The following NKAIN2 variants were observed in gnomAD, a reference collection of about 807,000 sequenced individuals.
NKAIN2 encodes sodium/potassium transporting ATPase interacting 2, also known as sodium/potassium-transporting ATPase subunit beta-1-interacting protein 2.
A neutral mutation model predicts 32.6 loss-of-function variants in NKAIN2; 14 were observed. That is an observed-to-expected ratio of 0.43 (90% CI 0.28 to 0.67). The LOEUF is 0.67. NKAIN2 is among the 30% of genes least tolerant of loss of function. The pLI is 0.17. For missense variants in NKAIN2, 198 were observed against 258.3 expected, an observed-to-expected ratio of 0.77 and a Z score of 1.60; for synonymous variants, 80 against 87.2, an observed-to-expected ratio of 0.92 and a Z score of 0.46.
chr6:124,016,923 C>A (rs1354271043), intron 1 of NKAIN2, among the ~76,000 whole-genome samples: 2 of 152,142 alleles, frequency 1.3e-5, no homozygotes, highest in Non-Finnish European at 2.9e-5. Context: ...GATGACAACC[C>A]CAGGATGTCA....
At chr6:124,027,313 G>A (rs990837750) in intron 1 of NKAIN2, among the ~76,000 whole-genome samples, 12 of 151,724 alleles carry the variant, frequency 7.9e-5, no homozygotes, top group African/African-American at 2.9e-4. Flanking sequence ...CTAATTTTTG[G>A]TATTTTTAGT....
chr6:123,860,311 A>C (rs1182236874), intron 1 of NKAIN2, among the ~76,000 whole-genome samples: 1 of 152,208 alleles, frequency 6.6e-6, no homozygotes, highest in Non-Finnish European at 1.5e-5. Context: ...ATTATTTAAA[A>C]AGTATATTAT....
At chr6:124,691,681 T>C (rs1774261100) in intron 4 of NKAIN2, among the ~76,000 whole-genome samples, 1 of 152,176 alleles carries the variant, frequency 6.6e-6, no homozygotes, top group Admixed American at 6.5e-5. Flanking sequence ...CAAATAAGAA[T>C]GGAAAAAGTC....
chr6:124,459,541 T>G (rs1776449602), intron 3 of NKAIN2, among the ~76,000 whole-genome samples: 1 of 151,898 alleles, frequency 6.6e-6, no homozygotes, highest in Non-Finnish European at 1.5e-5. Flanking sequence ...GACACCTAAG[T>G]GATGATATTG....
At chr6:124,374,387 C>A (rs1238075552) in intron 3 of NKAIN2, among the ~76,000 whole-genome samples, 1 of 151,888 alleles carries the variant, frequency 6.6e-6, no homozygotes, top group East Asian at 1.9e-4. Context: ...ATAATGATGA[C>A]CCCGATGTGC....
intron 4 of NKAIN2, among the ~76,000 whole-genome samples, chr6:124,665,746 T>A (rs1772765368): frequency 6.6e-6 from 1 of 152,214 alleles, no homozygotes; most frequent in African/African-American, 2.4e-5. Flanking sequence ...AATACCAGAA[T>A]GGCATCACAG....
At chr6:124,760,291 A>T (rs1168249116) in intron 4 of NKAIN2, among the ~76,000 whole-genome samples, 1 of 151,608 alleles carries the variant, frequency 6.6e-6, no homozygotes, top group Non-Finnish European at 1.5e-5. Flanking sequence ...AGAAAAAAGT[A>T]ACTGTTGAAT....
intron 3 of NKAIN2, among the ~76,000 whole-genome samples, chr6:124,557,515 A>G (rs1432023949): frequency 6.6e-6 from 1 of 152,206 alleles, no homozygotes; most frequent in African/African-American, 2.4e-5. Context: ...AAGTCCCTAA[A>G]CTACTGTAAC....
chr6:124,739,208 C>T (rs926627840), intron 4 of NKAIN2, among the ~76,000 whole-genome samples: 2 of 151,926 alleles, frequency 1.3e-5, no homozygotes, highest in African/African-American at 2.4e-5. Flanking sequence ...AACCAGGATT[C>T]TTTTATAGGA....
In NKAIN2 at chr6:124,658,368, C is replaced by A; in HGVS notation, c.456C>A (p.Ser152=). 1 of 1,614,106 alleles carries A rather than the reference C, an allele frequency of 6.2e-7. No individual in the cohort carries two copies. The change falls in exon 4 of 7, where the codon TCC becomes TCA. Residue 152 remains serine (S), a synonymous_variant. Transcript: ENST00000368417. ...AGTACATAGAAGTGGCTCATAGTTC[C>A]CTCCAGATTGTCCTCGCAGTAAGTG... ...EYQYIEVAHS[S]LQIVLALAGF...
intron 4 of NKAIN2, among the ~76,000 whole-genome samples, chr6:124,675,384 A>G (rs983080298): frequency 6.6e-6 from 1 of 152,092 alleles, no homozygotes; most frequent in African/African-American, 2.4e-5. Flanking sequence ...TGGTTCTGAT[A>G]TCAGGACAAT....
At chr6:123,838,467 A>G (rs534945441) in intron 1 of NKAIN2, among the ~76,000 whole-genome samples, 6 of 152,292 alleles carry the variant, frequency 3.9e-5, no homozygotes, top group Middle Eastern at 3.4e-3. Context: ...TATAATATTT[A>G]TTCTGCTACT....
intron 1 of NKAIN2, among the ~76,000 whole-genome samples, chr6:123,851,664 A>G (rs754172768): frequency 2.6e-5 from 4 of 152,118 alleles, no homozygotes; most frequent in African/African-American, 9.7e-5. Flanking sequence ...AAGACTTGTT[A>G]GTTTCATCTT....
intron 4 of NKAIN2, among the ~76,000 whole-genome samples, chr6:124,746,495 G>A (rs781173286): frequency 2.0e-4 from 31 of 151,726 alleles, no homozygotes; most frequent in Non-Finnish European, 3.2e-4. Flanking sequence ...AATAGCAGGA[G>A]AAGTTTTTAA....
intron 3 of NKAIN2, among the ~76,000 whole-genome samples, chr6:124,532,949 G>A (rs1211534178): frequency 1.3e-5 from 2 of 152,138 alleles, no homozygotes; most frequent in African/African-American, 4.8e-5. Flanking sequence ...TACTCTTCAG[G>A]AAAAAGATAG....
At chr6:124,701,264 C>G (rs539826925) in intron 4 of NKAIN2, among the ~76,000 whole-genome samples, 2 of 151,850 alleles carry the variant, frequency 1.3e-5, no homozygotes, top group African/African-American at 4.8e-5. Flanking sequence ...TTGATTATTT[C>G]TGTTGTAATA....
chr6:123,892,831 T>G (rs1382776969), intron 1 of NKAIN2, among the ~76,000 whole-genome samples: 1 of 151,700 alleles, frequency 6.6e-6, no homozygotes, highest in Non-Finnish European at 1.5e-5. Flanking sequence ...CAATCTGTAT[T>G]CTTGTTCGGC....
chr6:124,658,836 GA>G (rs1400913606), intron 4 of NKAIN2: 1 of 190,660 alleles, frequency 5.2e-6, no homozygotes, highest in Non-Finnish European at 1.1e-5. Flanking sequence ...TTCCTTCCTA[GA>G]TTTCTCCCAG....
At chr6:124,074,887 T>TC (rs143435802) in intron 1 of NKAIN2, among the ~76,000 whole-genome samples, 9,949 of 152,130 alleles carry the variant, frequency 0.065, 413 homozygotes, top group African/African-American at 0.11. Context: ...TTCCCCCATT[T>TC]CCCCATGAAA....
Sources: allele counts gnomAD v4.1 joint callset (sites outside exome capture counted in the v4.1 genomes callset), GRCh38; gene constraint gnomAD v4.1.1; transcripts MANE v1.5; gene names NCBI Gene and HGNC (gene_info 2026-07-23, HGNC 2026-07-21).